LRMDA: variants seen among roughly 807,000 people sequenced by gnomAD.
The protein encoded by LRMDA is leucine rich melanocyte differentiation associated, also known as leucine-rich melanocyte differentiation-associated protein.
Under a neutral mutation model 29.8 loss-of-function variants are expected in LRMDA, and 18 were observed. The ratio of observed to expected loss-of-function variants is 0.60; its 90% CI spans 0.42 to 0.90. LRMDA has a LOEUF of 0.90. LRMDA is among the 40% of genes least tolerant of loss of function. LRMDA has a pLI of 0.00. For missense variants in LRMDA, 273 were observed against 273.9 expected, an observed-to-expected ratio of 1.00 and a Z score of 0.02; for synonymous variants, 125 against 109.4, an observed-to-expected ratio of 1.14 and a Z score of -0.89.
At chr10:76,330,344 A>T (rs571704655) in intron 6 of LRMDA, among the ~76,000 whole-genome samples, 3 of 152,286 alleles carry the variant, frequency 2.0e-5, no homozygotes, top group African/African-American at 7.2e-5. Context: ...GTGTAGAAAC[A>T]TGGTTAGACA....
chr10:75,542,093 T>C (rs983354425), intron 2 of LRMDA, among the ~76,000 whole-genome samples: 2 of 151,998 alleles, frequency 1.3e-5, no homozygotes, highest in South Asian at 2.1e-4. Context: ...TGAATGAGGG[T>C]GGAGGGTCAC....
chr10:75,649,570 G>A (rs1168628274), intron 2 of LRMDA, among the ~76,000 whole-genome samples: 1 of 152,140 alleles, frequency 6.6e-6, no homozygotes, highest in Non-Finnish European at 1.5e-5. Flanking sequence ...TGGAGACTTG[G>A]ACCACTTCTG....
chr10:75,738,146 CT>C (rs774444703), intron 2 of LRMDA, among the ~76,000 whole-genome samples: 4 of 152,136 alleles, frequency 2.6e-5, no homozygotes, highest in Admixed American at 1.3e-4. Flanking sequence ...CTCTAACCCC[CT>C]GGGGTAAAAT....
chr10:75,915,951 C>A lies in LRMDA; in HGVS notation c.132-120057C>A, dbSNP rs114935459. Among the ~76,000 whole-genome samples the A allele has an allele frequency of 4.8e-3, 724 of 152,266 alleles. 4 individuals are homozygous for A. The highest frequency in any genetic ancestry group is 0.016 in the African/African-American group (682 of 41,544). ...ATCAGGGAAGGCACCTTAGAAGAGA[C>A]AATGACATCTGAAGTGGGTTTGGAT... On this transcript the variant is annotated intron_variant, in intron 2 of 6. Transcript: ENST00000611255.
intron 2 of LRMDA, among the ~76,000 whole-genome samples, chr10:75,950,556 G>A (rs1417119830): frequency 3.3e-5 from 5 of 152,138 alleles, no homozygotes; most frequent in African/African-American, 1.2e-4. Flanking sequence ...TTTCATTCCT[G>A]CTTGTTTAGT....
intron 2 of LRMDA, among the ~76,000 whole-genome samples, chr10:75,745,010 A>G (rs1842873559): frequency 6.6e-6 from 1 of 151,918 alleles, no homozygotes; most frequent in African/African-American, 2.4e-5. Flanking sequence ...CACGTCCCCA[A>G]CTCTGCTCAC....
intron 2 of LRMDA, among the ~76,000 whole-genome samples, chr10:75,825,216 A>T (rs1844228654): frequency 6.6e-6 from 1 of 150,538 alleles, no homozygotes; most frequent in African/African-American, 2.4e-5. Flanking sequence ...CTCCTTAAAA[A>T]TCTCTTCCCA....
chr10:76,232,158 G>A (rs541400154), intron 5 of LRMDA, among the ~76,000 whole-genome samples: 1 of 152,082 alleles, frequency 6.6e-6, no homozygotes, highest in African/African-American at 2.4e-5. Context: ...AGGGAACACT[G>A]TTTCTTTAAG....
intron 5 of LRMDA, among the ~76,000 whole-genome samples, chr10:76,219,656 C>G (rs890822605): frequency 6.6e-6 from 1 of 152,134 alleles, no homozygotes; most frequent in Non-Finnish European, 1.5e-5. Flanking sequence ...GACTCCCACA[C>G]GTTAATAATG....
intron 2 of LRMDA, among the ~76,000 whole-genome samples, chr10:75,791,148 T>C (rs552827217): frequency 4.7e-4 from 72 of 152,346 alleles, no homozygotes; most frequent in Non-Finnish European, 9.0e-4. Context: ...ATACAGCTAA[T>C]TGTTCTAATT....
At chr10:76,067,734 A>G (rs1288592022) in intron 5 of LRMDA, among the ~76,000 whole-genome samples, 1 of 152,206 alleles carries the variant, frequency 6.6e-6, no homozygotes, top group Non-Finnish European at 1.5e-5. Context: ...TAAGTTGGAA[A>G]TGCAGGGGCA....
chr10:75,743,615 T>C (rs1842856791), intron 2 of LRMDA: 1 of 152,234 alleles, frequency 6.6e-6, no homozygotes, highest in African/African-American at 2.4e-5. Flanking sequence ...CACCACGTGC[T>C]TCACACTTCA....
At chr10:75,703,229 G>A (rs558905153) in intron 2 of LRMDA, among the ~76,000 whole-genome samples, 1 of 152,232 alleles carries the variant, frequency 6.6e-6, no homozygotes, top group Admixed American at 6.5e-5. Flanking sequence ...CTCTCAACGA[G>A]TAATGGATTT....
intron 5 of LRMDA, among the ~76,000 whole-genome samples, chr10:76,254,418 A>ATG (rs1564701610): frequency 7.8e-4 from 51 of 65,024 alleles, no homozygotes; most frequent in East Asian, 1.4e-3. Flanking sequence ...GCTATGCTAT[A>ATG]CTATACTATA....
chr10:75,972,690 G>T (rs1846997705), intron 2 of LRMDA, among the ~76,000 whole-genome samples: 1 of 152,170 alleles, frequency 6.6e-6, no homozygotes. Context: ...ATTCTGATGG[G>T]CCTGAGGGAT....
At chr10:75,989,070 A>G (rs9299533) in intron 2 of LRMDA, among the ~76,000 whole-genome samples, 96,525 of 152,008 alleles carry the variant, frequency 0.63, 31,089 homozygotes, top group Middle Eastern at 0.7. Context: ...TGCAGGTTGC[A>G]TGCCTTCCAT....
intron 5 of LRMDA, among the ~76,000 whole-genome samples, chr10:76,143,714 A>G (rs1311199526): frequency 6.6e-6 from 1 of 152,146 alleles, no homozygotes; most frequent in East Asian, 1.9e-4. Context: ...CCATTTGTCA[A>G]TTTTGGCTTT....
At chr10:75,659,674 C>T (rs951186109) in intron 2 of LRMDA, among the ~76,000 whole-genome samples, 1 of 152,208 alleles carries the variant, frequency 6.6e-6, no homozygotes, top group East Asian at 1.9e-4. Flanking sequence ...TCAAAGGATA[C>T]AAACTTTCAG....
rs764807673 is a variant in LRMDA at position 75,438,301 on chromosome 10, T to C, written c.31-93T>C. 6 of 986,040 alleles carry C rather than the reference T, an allele frequency of 6.1e-6. No individual in the cohort carries two copies. The Admixed American group carries it at 6.1e-5, about 10-fold the overall frequency. 61.1% of individuals were successfully genotyped at this position (986,040 alleles called of 1,614,324 possible). A position where few individuals can be genotyped will look rare whatever the true frequency, so the allele number is the denominator to read the frequency against. On this transcript the variant is annotated intron_variant, in intron 1 of 6. Coordinates refer to ENST00000611255, the MANE Select transcript of LRMDA (RefSeq NM_001305581.2). ...TGTGTGAGAAACATGTGTTTCAAGT[T>C]GCAGAAGCAATCATTGGATCAGTAA...
Sources: gnomAD v4.1 joint callset for allele counts (sites outside exome capture counted in the v4.1 genomes callset) on GRCh38, gnomAD v4.1.1 for gene constraint, MANE v1.5 for transcripts, NCBI Gene and HGNC (gene_info 2026-07-23, HGNC 2026-07-21) for gene names.